Variants in KCNN3 observed in about 807,000 individuals in gnomAD.
KCNN3 encodes potassium calcium-activated channel subfamily N member 3, also known as small conductance calcium-activated potassium channel protein 3.
In KCNN3, 16 loss-of-function variants were observed where a neutral mutation model predicts 62.9. The ratio of observed to expected loss-of-function variants is 0.25; its 90% CI spans 0.17 to 0.39. The LOEUF is 0.39. Ranked by LOEUF, KCNN3 falls within the 10% of genes least tolerant of loss-of-function variation. KCNN3 has a pLI of 1.00. For synonymous variants in KCNN3, 370 were observed against 389.2 expected, an observed-to-expected ratio of 0.95 and a Z score of 0.58; for missense variants, 599 against 949.4, an observed-to-expected ratio of 0.63 and a Z score of 4.85.
intron 2 of KCNN3, among the ~76,000 whole-genome samples, chr1:154,800,188 T>C (rs989058082): frequency 1.3e-5 from 2 of 152,194 alleles, no homozygotes; most frequent in Non-Finnish European, 2.9e-5. Context: ...TATAAGCAGC[T>C]CACTTGGAAA....
chr1:154,812,322 A>G (rs914040904), intron 2 of KCNN3, among the ~76,000 whole-genome samples: 7 of 151,756 alleles, frequency 4.6e-5, no homozygotes, highest in Non-Finnish European at 5.9e-5. Context: ...GGTTTGTTAC[A>G]TATGTATACA....
chr1:154,784,807 A>G (rs1702183), intron 2 of KCNN3, among the ~76,000 whole-genome samples: 149,023 of 152,382 alleles, frequency 0.98, 72,946 homozygotes, highest in East Asian at 1. Context: ...CCTTAACAGG[A>G]TTTTGAGACA....
intron 3 of KCNN3, among the ~76,000 whole-genome samples, chr1:154,761,143 AAAAAGTAAT>A (rs1004577849): frequency 8.5e-5 from 4 of 47,090 alleles, no homozygotes; most frequent in Admixed American, 5.5e-4. Context: ...AAAATACAAT[AAAAAGTAAT>A]AAAAAATCAC....
chr1:154,862,520 G>C lies in KCNN3; in HGVS notation c.933+6512C>G, dbSNP rs1335191863. Among the ~76,000 whole-genome samples, 1 of 152,078 alleles carries C rather than the reference G, an allele frequency of 6.6e-6. No homozygotes were observed. Among genetic ancestry groups the C allele is most frequent in the Non-Finnish European group, 1.5e-5 (1 of 67,998 alleles). The stretch of plus-strand genomic sequence containing the variant: ...CTGGCCCTCCAGGGGTGGAAGGTGG[G>C]GGTGCTAGGGGCTGTGGAAGGAGCT... On this transcript the variant is annotated intron_variant, in intron 1 of 7. Transcript: ENST00000271915. This position sits in a 1 kb window ranked among gnomAD's most constrained non-coding sequence, Gnocchi z 4.1.
intron 7 of KCNN3, 50 bp downstream of exon 7, chr1:154,713,414 G>T: frequency 6.9e-7 from 1 of 1,449,876 alleles, no homozygotes; most frequent in Non-Finnish European, 9.7e-7. Context: ...AGCCTGAGAA[G>T]ACTCAGTGTC....
intron 3 of KCNN3, among the ~76,000 whole-genome samples, chr1:154,747,813 C>G (rs868108): frequency 0.26 from 39,196 of 152,070 alleles, 5,248 homozygotes; most frequent in Middle Eastern, 0.34. Flanking sequence ...AGTGCACTGC[C>G]GCATCTTATG....
At chr1:154,713,380 G>T (rs1557937368) in intron 7 of KCNN3, 84 bp downstream of exon 7, 2 of 1,170,818 alleles carry the variant, frequency 1.7e-6, no homozygotes, top group African/African-American at 1.5e-5. Flanking sequence ...TGTCCAGTGC[G>T]AACCCAGCCA....
chr1:154,846,224 C>T (rs192803733), intron 1 of KCNN3, among the ~76,000 whole-genome samples: 7 of 152,344 alleles, frequency 4.6e-5, no homozygotes, highest in Middle Eastern at 3.4e-3. Flanking sequence ...ACAGCAGTTA[C>T]CTCCACTCTC....
intron 5 of KCNN3, among the ~76,000 whole-genome samples, chr1:154,716,996 A>T (rs181966098): frequency 9.7e-4 from 148 of 152,352 alleles, no homozygotes; most frequent in Non-Finnish European, 1.7e-3. Flanking sequence ...GAAACTGGAA[A>T]GTCTGCAGGT....
chr1:154,867,500 C>T (rs538976757), intron 1 of KCNN3, among the ~76,000 whole-genome samples: 1 of 152,174 alleles, frequency 6.6e-6, no homozygotes, highest in Non-Finnish European at 1.5e-5. Context: ...GACAGGTCTG[C>T]CCCACCCGTT....
At chr1:154,780,194 CTTTTTT>C (rs71077969) in intron 2 of KCNN3, among the ~76,000 whole-genome samples, 19 of 102,064 alleles carry the variant, frequency 1.9e-4, no homozygotes, top group Non-Finnish European at 3.3e-4. Context: ...TTCTTTTTTT[CTTTTTT>C]TTTTTTTTTT....
At chr1:154,833,358 G>T (rs1651450190) in intron 1 of KCNN3, among the ~76,000 whole-genome samples, 1 of 152,172 alleles carries the variant, frequency 6.6e-6, no homozygotes, top group African/African-American at 2.4e-5. Flanking sequence ...ATCTCTGGAG[G>T]CTGTTCTGGA....
At chr1:154,793,119 C>T (rs1349811925) in intron 2 of KCNN3, among the ~76,000 whole-genome samples, 3 of 152,138 alleles carry the variant, frequency 2.0e-5, no homozygotes, top group African/African-American at 7.2e-5. Flanking sequence ...ACAGGTCAAT[C>T]AGAAAGAACG....
intron 3 of KCNN3, among the ~76,000 whole-genome samples, chr1:154,738,768 A>T (rs1379683978): frequency 6.6e-6 from 1 of 152,268 alleles, no homozygotes; most frequent in Non-Finnish European, 1.5e-5. Context: ...ACGAATACAT[A>T]GAAAACTAAG....
chr1:154,728,870 T>G (rs1700530252), intron 4 of KCNN3, among the ~76,000 whole-genome samples: 1 of 152,026 alleles, frequency 6.6e-6, no homozygotes, highest in Non-Finnish European at 1.5e-5. Context: ...GAGCCAGAAG[T>G]CAATGGTCCA....
chr1:154,708,381 C>T (rs1049184982), intron 7 of KCNN3, 109 bp from the exon 8 acceptor site: 6 of 1,084,782 alleles, frequency 5.5e-6, no homozygotes, highest in Middle Eastern at 2.9e-4. Context: ...GCCACTTCCA[C>T]ACCAGCTGAT....
At chr1:154,774,277 C>A (rs1050188570) in intron 2 of KCNN3, among the ~76,000 whole-genome samples, 18 of 152,342 alleles carry the variant, frequency 1.2e-4, no homozygotes, top group African/African-American at 4.1e-4. Flanking sequence ...TAAACTTTCA[C>A]GAAGATGCTT....
intron 1 of KCNN3, among the ~76,000 whole-genome samples, chr1:154,844,522 G>A (rs919053709): frequency 4.6e-5 from 7 of 152,244 alleles, no homozygotes; most frequent in East Asian, 1.9e-4. Context: ...GTAGTCCCCA[G>A]TGGGGCAGAC....
Position 154,704,156 on chromosome 1 carries a change from T to C in KCNN3, c.*3820A>G, listed in dbSNP as rs1699920219. On this transcript the variant is annotated 3_prime_UTR_variant, in exon 8 of 8. Coordinates refer to ENST00000271915, the MANE Select transcript of KCNN3 (RefSeq NM_002249.6). The stretch of plus-strand genomic sequence containing the variant: ...AAATAGCTTGTACATGCTCAGCGCT[T>C]GGAATTTACTTTTGCGTACATTTTC... 1 of 152,266 alleles carries C rather than the reference T, an allele frequency of 6.6e-6. No homozygotes were observed. The highest frequency in any genetic ancestry group is 6.5e-5 in the Admixed American group (1 of 15,290). 9.4% of individuals were successfully genotyped at this position (152,266 alleles called of 1,614,324 possible).
Sources: allele counts gnomAD v4.1 joint callset (sites outside exome capture counted in the v4.1 genomes callset), GRCh38; gene constraint gnomAD v4.1.1; non-coding constraint Gnocchi (gnomAD v3.1); transcripts MANE v1.5; gene names NCBI Gene and HGNC (gene_info 2026-07-23, HGNC 2026-07-21).